Variants in FBXO24 observed in about 807,000 individuals in gnomAD.
FBXO24 encodes the protein F-box only protein 24.
FBXO24 carries 30 observed loss-of-function variants against 63.5 expected under a neutral mutation model. That is an observed-to-expected ratio of 0.47 (90% confidence interval 0.35 to 0.64). The LOEUF (loss-of-function observed/expected upper bound fraction) is 0.64. FBXO24 is among the 30% of genes least tolerant of loss of function. The pLI, the probability that FBXO24 is intolerant of heterozygous loss-of-function variation, is 0.00. For missense variants in FBXO24, 624 were observed against 763.4 expected, an observed-to-expected ratio of 0.82 and a Z score of 2.15; for synonymous variants, 300 against 305.0, an observed-to-expected ratio of 0.98 and a Z score of 0.17.
chr7:100,597,869 GTTTTTGTTT>G (rs1442023307), intron 8 of FBXO24, among the ~76,000 whole-genome samples: 43 of 148,598 alleles, frequency 2.9e-4, no homozygotes, highest in South Asian at 1.5e-3. Context: ...GCCCAGATAA[GTTTTTGTTT>G]TTTTTGTTTT....
At chr7:100,586,810 C>G (rs376341218) in intron 1 of FBXO24, 146 bp downstream of exon 1, 6 of 785,268 alleles carry the variant, frequency 7.6e-6, no homozygotes, top group Middle Eastern at 3.3e-4. Context: ...ATTCGGGCGA[C>G]TGCTTGAGGC....
intron 5 of FBXO24, among the ~76,000 whole-genome samples, chr7:100,593,626 C>CA (rs769155612): frequency 0.018 from 1,081 of 58,800 alleles, 19 homozygotes; most frequent in African/African-American, 0.031. Context: ...GACTCCGTCT[C>CA]AAAAAAAAAA....
At chr7:100,587,745 G>A (rs1267006802) in intron 1 of FBXO24, among the ~76,000 whole-genome samples, 5 of 151,234 alleles carry the variant, frequency 3.3e-5, no homozygotes, top group Non-Finnish European at 2.9e-5. Flanking sequence ...GACCACGGGC[G>A]GCACCACTGC....
chr7:100,589,824 G>A, intron 1 of FBXO24, 153 bp from the exon 2 acceptor site: 2 of 1,516,778 alleles, frequency 1.3e-6, no homozygotes, highest in Non-Finnish European at 1.8e-6. Context: ...GAGATCGGGA[G>A]GAGTTATTTG....
At chr7:100,595,544 A>G in intron 7 of FBXO24, 31 bp from the exon 8 acceptor site, 3 of 1,546,916 alleles carry the variant, frequency 1.9e-6, no homozygotes, top group Non-Finnish European at 2.6e-6. Context: ...AGGGAATGGA[A>G]TCCCTATCCC....
chr7:100,587,602 C>CT (rs138687549), intron 1 of FBXO24, among the ~76,000 whole-genome samples: 11,460 of 117,782 alleles, frequency 0.097, 575 homozygotes, highest in Middle Eastern at 0.14. Context: ...CGCGCCCGGC[C>CT]TTTTTTTTTT....
intron 8 of FBXO24, among the ~76,000 whole-genome samples, chr7:100,598,995 A>T (rs1393431676): frequency 2.6e-5 from 4 of 152,056 alleles, no homozygotes. Flanking sequence ...AAAAAAAAAA[A>T]TGCTAGAGGC....
rs1393145175 is a variant in FBXO24 at position 100,600,337 on chromosome 7, T to A, written c.1377+136T>A. ...CTAGCACCACCCCACCTCCCTCCTC[T>A]GCCGCACACCACGCTCTCTGCTTTC... On this transcript the variant is annotated intron_variant, in intron 9 of 9. Coordinates refer to ENST00000241071, the MANE Select transcript of FBXO24 (RefSeq NM_033506.3). This position sits in a 1 kb window ranked among gnomAD's most constrained non-coding sequence, Gnocchi z 6.3. 18 of 1,356,762 alleles carry A rather than the reference T, an allele frequency of 1.3e-5. No homozygotes were observed. Among genetic ancestry groups the A allele is most frequent in the African/African-American group, 4.4e-5 (3 of 67,822 alleles). The allele number at this position is 1,356,762 out of a possible 1,614,324, so 84.0% of individuals were successfully genotyped here.
At chr7:100,599,995 G>A (rs1343755405) in intron 8 of FBXO24, 36 bp from the exon 9 acceptor site, 1 of 1,543,208 alleles carries the variant, frequency 6.5e-7, no homozygotes, top group Admixed American at 1.8e-5. Context: ...GTCCCTTGGT[G>A]CTCCCTGCTC....
chr7:100,586,774 C>T lies in FBXO24; in HGVS notation c.39+110C>T, dbSNP rs759771346. On this transcript the variant is annotated intron_variant, in intron 1 of 9. Coordinates refer to ENST00000241071, the MANE Select transcript of FBXO24 (RefSeq NM_033506.3). ...AGTGCGAGCTGGACGTGTTAGGGGGCTAGCCGGCGTCCAGGGCTTGAGGGG... is the reference window on the plus strand; with the variant it reads ...AGTGCGAGCTGGACGTGTTAGGGGGTTAGCCGGCGTCCAGGGCTTGAGGGG... The T allele has an allele frequency of 1.9e-5, 24 of 1,240,500 alleles. No homozygotes were observed. The highest frequency in any genetic ancestry group is 9.4e-5 in the East Asian group (4 of 42,400). 76.8% of individuals were successfully genotyped at this position (1,240,500 alleles called of 1,614,324 possible).
chr7:100,591,139 G>A (rs1347314026), intron 3 of FBXO24, among the ~76,000 whole-genome samples: 1 of 144,884 alleles, frequency 6.9e-6, no homozygotes, highest in East Asian at 2.1e-4. Context: ...CCGGGTTCAA[G>A]TATTCTCGTG....
intron 1 of FBXO24, chr7:100,589,558 A>C (rs1467692160): frequency 1.4e-6 from 2 of 1,416,216 alleles, no homozygotes; most frequent in Non-Finnish European, 1.9e-6. Context: ...GGTCACAGAG[A>C]GGTTTGTTAG....
rs574267113 is a variant in FBXO24, at chr7:100,591,593, A to G, written c.323-74A>G. 7.0e-6 allele frequency: 10 copies of G among 1,428,822 alleles called. No homozygotes were observed. In the East Asian group the frequency reaches 2.3e-4, roughly 33 times the overall value. 88.5% of individuals were successfully genotyped at this position (1,428,822 alleles called of 1,614,324 possible). A position where few individuals can be genotyped will look rare whatever the true frequency, so the allele number is the denominator to read the frequency against. On this transcript the variant is annotated intron_variant, in intron 3 of 9. Coordinates refer to ENST00000241071, the MANE Select transcript of FBXO24 (RefSeq NM_033506.3). ...AACTACAAACCAGCGTGTCTAAGAA[A>G]TCTACCCAAGCTCCAACTCATCTCC...
chr7:100,590,476 C>A, intron 3 of FBXO24, 119 bp downstream of exon 3: 2 of 1,017,374 alleles, frequency 2.0e-6, no homozygotes, highest in Non-Finnish European at 1.4e-6. Flanking sequence ...CCCCTTTCTC[C>A]GGAAGAAACG....
intron 1 of FBXO24, among the ~76,000 whole-genome samples, chr7:100,587,154 A>G (rs1306706797): frequency 2.0e-5 from 3 of 152,184 alleles, no homozygotes; most frequent in Admixed American, 6.5e-5. Flanking sequence ...GCGAACAGCA[A>G]GTTCCTGACA....
At chr7:100,598,973 C>T (rs539019872) in intron 8 of FBXO24, among the ~76,000 whole-genome samples, 2 of 149,588 alleles carry the variant, frequency 1.3e-5, no homozygotes, top group African/African-American at 4.9e-5. Context: ...AGCGAGACTC[C>T]GTCTCTACAA....
In FBXO24 at chr7:100,590,361, C is replaced by T; in HGVS notation, c.322+4C>T. 6.2e-7 allele frequency: 1 copy of T among 1,602,066 alleles called. No individual in the cohort carries two copies. The highest frequency in any genetic ancestry group is 8.5e-7 in the Non-Finnish European group (1 of 1,171,982). On this transcript the variant is annotated splice_donor_region_variant and intron_variant, in intron 3 of 9. Coordinates refer to ENST00000241071, the MANE Select transcript of FBXO24 (RefSeq NM_033506.3). ...AAGAGAGCTGCCATTCTGAACTGTA[C>T]ACCTTCCCCAGAACCTCCCGTTCTC...
intron 3 of FBXO24, among the ~76,000 whole-genome samples, chr7:100,591,031 ATTT>A (rs930978218): frequency 3.1e-4 from 27 of 86,672 alleles, no homozygotes; most frequent in African/African-American, 1.1e-3. Flanking sequence ...TTTTTCTTTG[ATTT>A]TTTTTTTTTT....
At chr7:100,589,917 A>C in intron 1 of FBXO24, 60 bp from the exon 2 acceptor site, 2 of 1,574,090 alleles carry the variant, frequency 1.3e-6, no homozygotes, top group South Asian at 2.3e-5. Flanking sequence ...AGGTAGGCGG[A>C]GAGAAGGGAA....
Sources: allele counts gnomAD v4.1 joint callset (sites outside exome capture counted in the v4.1 genomes callset), GRCh38; gene constraint gnomAD v4.1.1; non-coding constraint Gnocchi (gnomAD v3.1); transcripts MANE v1.5; gene names NCBI Gene and HGNC (gene_info 2026-07-23, HGNC 2026-07-21).